CATSPERD: variants seen among roughly 807,000 people sequenced by gnomAD.
CATSPERD encodes cation channel sperm-associated auxiliary subunit delta.
CATSPERD carries 86 observed loss-of-function variants against 98.1 expected under a neutral mutation model. That is an observed-to-expected ratio of 0.88 (90% CI 0.74 to 1.05). CATSPERD has a LOEUF of 1.05. Among genes scored for constraint, CATSPERD ranks in the 50% least tolerant of loss-of-function variants. CATSPERD has a pLI of 0.00. For missense variants in CATSPERD, 995 were observed against 1,005.7 expected, an observed-to-expected ratio of 0.99 and a Z score of 0.14; for synonymous variants, 394 against 390.2, an observed-to-expected ratio of 1.01 and a Z score of -0.12.
In CATSPERD at chr19:5,768,775, C is replaced by T. The variant is rs949901922; in HGVS notation, c.1634+533C>T. On this transcript the variant is annotated intron_variant, in intron 18 of 21. Coordinates refer to ENST00000381624, the MANE Select transcript of CATSPERD (RefSeq NM_152784.4). ...CAGCTGGCTGGTCCCACATGCTGTCCGGCTCAGTGAGCATGTACTGCCACG... is the reference window on the plus strand; with the variant it reads ...CAGCTGGCTGGTCCCACATGCTGTCTGGCTCAGTGAGCATGTACTGCCACG... Among the ~76,000 whole-genome samples, 5 of 152,236 alleles carry T rather than the reference C, an allele frequency of 3.3e-5. 1 individual carries two copies. The highest frequency in any genetic ancestry group is 5.9e-5 in the Non-Finnish European group (4 of 68,016).
chr19:5,750,741 A>C (rs1018099278), intron 11 of CATSPERD, among the ~76,000 whole-genome samples: 3 of 151,606 alleles, frequency 2.0e-5, no homozygotes, highest in African/African-American at 4.9e-5. Flanking sequence ...TCTCAAAAAA[A>C]GAAAAAAATA....
At chr19:5,740,312 G>A (rs1465375718) in intron 7 of CATSPERD, among the ~76,000 whole-genome samples, 1 of 149,884 alleles carries the variant, frequency 6.7e-6, no homozygotes, top group Non-Finnish European at 1.5e-5. Context: ...AATAAGCTGG[G>A]CGCAGTGGCT....
chr19:5,775,664 A>AG (rs1267063112), intron 20 of CATSPERD, among the ~76,000 whole-genome samples: 4 of 150,302 alleles, frequency 2.7e-5, no homozygotes, highest in South Asian at 2.1e-4. Flanking sequence ...AAAAAAAAAA[A>AG]AAAGAAAGAA....
chr19:5,754,765 GCTGGCCGC>G (rs1429480482), intron 13 of CATSPERD, among the ~76,000 whole-genome samples: 2 of 151,894 alleles, frequency 1.3e-5, no homozygotes, highest in South Asian at 2.1e-4. Context: ...TGGCTGTCCA[GCTGGCCGC>G]CTGGCCGCCC....
chr19:5,742,117 C>T (rs565859419), intron 7 of CATSPERD, among the ~76,000 whole-genome samples: 9 of 151,624 alleles, frequency 5.9e-5, no homozygotes, highest in Admixed American at 4.0e-4. Context: ...ACTAAAATAG[C>T]GTTTGTGTGT....
chr19:5,733,564 C>T (rs888507791), intron 4 of CATSPERD, among the ~76,000 whole-genome samples: 12 of 151,896 alleles, frequency 7.9e-5, no homozygotes, highest in Non-Finnish European at 1.8e-4. Context: ...TCAAGCGATT[C>T]TCCTGCCTCA....
chr19:5,736,988 T>C (rs970849120), intron 5 of CATSPERD, 150 bp from the exon 6 acceptor site: 11 of 476,516 alleles, frequency 2.3e-5, no homozygotes, highest in African/African-American at 2.0e-4. Context: ...ACCCGGGAGG[T>C]GGAGCTTGCA....
chr19:5,739,036 G>A (rs1398778432), intron 6 of CATSPERD, among the ~76,000 whole-genome samples: 2 of 151,144 alleles, frequency 1.3e-5, no homozygotes, highest in Non-Finnish European at 2.9e-5. Context: ...CCTAACTTTG[G>A]TATTTTTTAG....
chr19:5,753,704 A>G (rs142339495), intron 12 of CATSPERD: 8 of 264,650 alleles, frequency 3.0e-5, no homozygotes, highest in African/African-American at 1.6e-4. Flanking sequence ...CCTTGTCTCT[A>G]TTAAAAAAAA....
intron 17 of CATSPERD, among the ~76,000 whole-genome samples, chr19:5,767,559 C>A (rs1599587281): frequency 6.6e-6 from 1 of 150,994 alleles, no homozygotes; most frequent in Non-Finnish European, 1.5e-5. Flanking sequence ...ATGATCTCGG[C>A]TCACTACAAG....
chr19:5,725,178 G>T (rs1275047349), intron 2 of CATSPERD, among the ~76,000 whole-genome samples: 4 of 152,106 alleles, frequency 2.6e-5, no homozygotes, highest in Admixed American at 6.6e-5. Flanking sequence ...TTGAGACAGG[G>T]TCTTGCACTG....
At chr19:5,744,798 A>G (rs1408507807) in intron 8 of CATSPERD, among the ~76,000 whole-genome samples, 1 of 151,872 alleles carries the variant, frequency 6.6e-6, no homozygotes, top group Non-Finnish European at 1.5e-5. Flanking sequence ...ATAGGGTTTC[A>G]CCATGTTGGC....
chr19:5,777,404 T>C (rs2446206), intron 21 of CATSPERD, among the ~76,000 whole-genome samples: 54,388 of 151,994 alleles, frequency 0.36, 13,621 homozygotes, highest in African/African-American at 0.71. Context: ...GTGGATTCTG[T>C]GACACCCCTG....
At chr19:5,777,106 G>A (rs1385601120) in intron 21 of CATSPERD, among the ~76,000 whole-genome samples, 1 of 152,004 alleles carries the variant, frequency 6.6e-6, no homozygotes, top group Non-Finnish European at 1.5e-5. Context: ...TTTGGAAGGG[G>A]GACACCAGGT....
Position 5,778,460 on chromosome 19 carries a change from ACTG to A in CATSPERD, c.2182_2184del (p.Leu728del), listed in dbSNP as rs781118962. ...TGGTCTCTGCTGGAGTCGTCATCCT[ACTG>A]ATCATCTCCAGCATCCTGGGGTCCG... is the stretch of plus-strand genomic sequence containing the variant. On this transcript the variant is annotated inframe_deletion, in exon 22 of 22. Coordinates refer to ENST00000381624, the MANE Select transcript of CATSPERD (RefSeq NM_152784.4). 65 of 1,613,834 alleles carry A rather than the reference ACTG, an allele frequency of 4.0e-5. No individual in the cohort carries two copies. The highest frequency in any genetic ancestry group is 4.8e-5 in the Non-Finnish European group (57 of 1,180,026).
intron 11 of CATSPERD, among the ~76,000 whole-genome samples, chr19:5,750,201 C>A (rs1342723200): frequency 6.7e-6 from 1 of 149,664 alleles, no homozygotes; most frequent in Non-Finnish European, 1.5e-5. Flanking sequence ...GTAATCCCAG[C>A]ACCTTGGGTG....
chr19:5,743,180 G>A (rs994900038), intron 7 of CATSPERD, among the ~76,000 whole-genome samples: 4 of 152,210 alleles, frequency 2.6e-5, no homozygotes, highest in African/African-American at 9.6e-5. Flanking sequence ...GCAGGCGCCT[G>A]TAATCCCAGC....
At chr19:5,726,575 T>G (rs934344642) in intron 2 of CATSPERD, among the ~76,000 whole-genome samples, 16 of 151,454 alleles carry the variant, frequency 1.1e-4, no homozygotes, top group African/African-American at 3.9e-4. Context: ...AGAGATGTGG[T>G]CTTGCTATGC....
intron 12 of CATSPERD, chr19:5,753,616 C>G: frequency 2.5e-6 from 1 of 400,296 alleles, no homozygotes; most frequent in Middle Eastern, 4.3e-4. Flanking sequence ...CAACTGTAAC[C>G]TCAAGCACTT....
Sources: gnomAD v4.1 joint callset for allele counts (sites outside exome capture counted in the v4.1 genomes callset) on GRCh38, gnomAD v4.1.1 for gene constraint, MANE v1.5 for transcripts, NCBI Gene and HGNC (gene_info 2026-07-23, HGNC 2026-07-21) for gene names.